The following JMJD1C variants were observed in gnomAD, a reference collection of about 807,000 sequenced individuals.
The protein encoded by JMJD1C is jumonji domain containing 1C.
In JMJD1C, 31 loss-of-function variants were observed where a neutral mutation model predicts 245.3. That is an observed-to-expected ratio of 0.13 (90% CI 0.09 to 0.17). The LOEUF (loss-of-function observed/expected upper bound fraction) is 0.17. Ranked by LOEUF, JMJD1C falls within the 10% of genes least tolerant of loss-of-function variation. JMJD1C has a pLI of 1.00. For synonymous variants in JMJD1C, 1,057 were observed against 1,017.4 expected (o/e 1.04, Z -0.74); for missense variants, 2,691 against 3,000.2 (o/e 0.90, Z 2.41).
chr10:63,208,278 C>G lies in JMJD1C; in HGVS notation c.3391G>C (p.Ala1131Pro). 6.2e-7 allele frequency: 1 copy of G among 1,614,010 alleles called. No homozygotes were observed. The highest frequency in any genetic ancestry group is 8.5e-7 in the Non-Finnish European group (1 of 1,179,968). The change falls in exon 10 of 26, where the codon GCT becomes CCT. Residue 1131 changes from alanine to proline, a missense_variant. Physicochemically the swap from Ala to Pro is conservative, Grantham distance 27. This residue lies in a region of JMJD1C where 1,562 missense variants were observed against 1,490.7 expected (regional missense o/e 1.05). Coordinates refer to ENST00000399262, the MANE Select transcript of JMJD1C (RefSeq NM_032776.3). ...KQSNALAAAA[A>P]NPQTLTSFIT... is the part of the protein sequence containing the mutation. ...AATGAAGTCAGAGTTTGAGGATTAG[C>G]TGCTGCCGCTGCAAGGGCATTACTC...
intron 2 of JMJD1C, among the ~76,000 whole-genome samples, chr10:63,324,716 G>A (rs556706328): frequency 3.9e-5 from 6 of 152,292 alleles, no homozygotes; most frequent in South Asian, 2.1e-4. Flanking sequence ...ACAAGTAAAC[G>A]TGTATGTCAG....
chr10:63,444,668 C>G (rs1324254187), intron 1 of JMJD1C, among the ~76,000 whole-genome samples: 1 of 146,310 alleles, frequency 6.8e-6, no homozygotes, highest in Non-Finnish European at 1.5e-5. Context: ...TCTTGCTGCC[C>G]GGGCTGGAGT....
chr10:63,284,115 T>C (rs894101590), intron 2 of JMJD1C, among the ~76,000 whole-genome samples: 3 of 152,034 alleles, frequency 2.0e-5, no homozygotes, highest in African/African-American at 7.2e-5. Flanking sequence ...AACCTCTGCC[T>C]CCTAGGTTCA....
chr10:63,358,268 C>G (rs1046846709), intron 2 of JMJD1C, among the ~76,000 whole-genome samples: 1 of 151,894 alleles, frequency 6.6e-6, no homozygotes, highest in Non-Finnish European at 1.5e-5. Context: ...ATAGGCAAAA[C>G]CAGAAAAGTT....
intron 1 of JMJD1C, among the ~76,000 whole-genome samples, chr10:63,496,737 T>C (rs1273623259): frequency 1.3e-5 from 2 of 152,244 alleles, no homozygotes; most frequent in African/African-American, 2.4e-5. Flanking sequence ...TGCCTACCTA[T>C]AGTCAGTTTA....
At chr10:63,433,586 C>CTTTTT (rs539696706) in intron 1 of JMJD1C, among the ~76,000 whole-genome samples, 57 of 86,784 alleles carry the variant, frequency 6.6e-4, no homozygotes, top group Non-Finnish European at 9.0e-4. Context: ...CTTTTCTTTT[C>CTTTTT]TTTTTTTTTT....
chr10:63,483,709 GAT>G (rs1467049030), intron 1 of JMJD1C, among the ~76,000 whole-genome samples: 1 of 152,154 alleles, frequency 6.6e-6, no homozygotes, highest in East Asian at 1.9e-4. Flanking sequence ...ACTTGCAAAT[GAT>G]ATTGCTGCTG....
chr10:63,190,306 G>A (rs1055751692), intron 17 of JMJD1C, among the ~76,000 whole-genome samples: 3 of 151,936 alleles, frequency 2.0e-5, no homozygotes, highest in Non-Finnish European at 4.4e-5. Flanking sequence ...CTGGGTTTAA[G>A]CAATTCTCTG....
At chr10:63,227,078 A>C (rs1849381406) in intron 3 of JMJD1C, among the ~76,000 whole-genome samples, 1 of 152,056 alleles carries the variant, frequency 6.6e-6, no homozygotes, top group African/African-American at 2.4e-5. Context: ...AAAAGGTTAA[A>C]ATCAGGCTGG....
Position 63,189,219 on chromosome 10 carries a change from A to G in JMJD1C, c.6519T>C (p.Tyr2173=). ...AAAGCTTCCAATTACTGCTATTCTT[A>G]TAATCCTTAAGCCATAAAATATGCT... ...CEKHILWLKD[Y]KNSSNWKLFK... The change falls in exon 18 of 26, where the codon TAT becomes TAC. Residue 2173 remains tyrosine (Y), a synonymous_variant. Coordinates refer to ENST00000399262, the MANE Select transcript of JMJD1C (RefSeq NM_032776.3). 3 of 1,612,844 alleles carry G rather than the reference A, an allele frequency of 1.9e-6. No homozygotes were observed. The highest frequency in any genetic ancestry group is 1.1e-5 in the South Asian group (1 of 90,934).
chr10:63,494,471 T>C (rs182101113), intron 1 of JMJD1C, among the ~76,000 whole-genome samples: 4 of 152,284 alleles, frequency 2.6e-5, no homozygotes. Context: ...TAAATTAACT[T>C]CTTTTTATAT....
intron 3 of JMJD1C, among the ~76,000 whole-genome samples, chr10:63,257,869 T>C (rs1318630854): frequency 6.6e-6 from 1 of 152,252 alleles, no homozygotes; most frequent in East Asian, 1.9e-4. Flanking sequence ...AAACGTGTTC[T>C]ATTATACACT....
At chr10:63,172,409 T>C (rs2132758307) in intron 24 of JMJD1C, among the ~76,000 whole-genome samples, 1 of 152,126 alleles carries the variant, frequency 6.6e-6, no homozygotes, top group East Asian at 1.9e-4. Flanking sequence ...CATAAATTTG[T>C]TTTCCTCTAC....
intron 3 of JMJD1C, among the ~76,000 whole-genome samples, chr10:63,221,320 C>G (rs1207906876): frequency 1.3e-5 from 2 of 152,142 alleles, no homozygotes; most frequent in Non-Finnish European, 2.9e-5. Context: ...GTTTCCTTCT[C>G]ATACTGCTTT....
At chr10:63,356,058 T>C (rs754090716) in intron 2 of JMJD1C, among the ~76,000 whole-genome samples, 2 of 152,222 alleles carry the variant, frequency 1.3e-5, no homozygotes, top group Non-Finnish European at 2.9e-5. Context: ...AGACCAATTA[T>C]ATTACATGAA....
Position 63,214,780 on chromosome 10 carries a change from G to A in JMJD1C, c.1387C>T (p.His463Tyr), listed in dbSNP as rs61757562. The A allele has an allele frequency of 1.1e-4, 172 of 1,613,366 alleles. 1 individual carries two copies. Among genetic ancestry groups the A allele is most frequent in the Non-Finnish European group, 8.9e-5 (105 of 1,179,600 alleles). Residue 463 changes from histidine to tyrosine, a missense_variant, in exon 8 of 26, where the codon CAT becomes TAT. His to Tyr is a moderately conservative substitution (Grantham distance 83). Transcript: ENST00000399262. ...GAAACTGTGGACTGTTCTGACGAAT[G>A]AATAATCATATCTTCTTGAAGCTGA... ...DTQLQEDMII[H>Y]SSEQSTVSDH...
chr10:63,412,568 C>CTATGGCTAAAAT (rs1564893201), intron 1 of JMJD1C, among the ~76,000 whole-genome samples: 10 of 151,908 alleles, frequency 6.6e-5, no homozygotes, highest in Non-Finnish European at 1.2e-4. Flanking sequence ...TGGCTAAAAA[C>CTATGGCTAAAAT]CTATCACAGC....
intron 1 of JMJD1C, among the ~76,000 whole-genome samples, chr10:63,422,160 C>G (rs1279640114): frequency 6.6e-6 from 1 of 152,070 alleles, no homozygotes; most frequent in East Asian, 1.9e-4. Flanking sequence ...ACTTGTAAAC[C>G]CAGCACTTTG....
intron 1 of JMJD1C, among the ~76,000 whole-genome samples, chr10:63,392,875 C>CACACACAA: frequency 7.7e-6 from 1 of 130,702 alleles, no homozygotes; most frequent in South Asian, 2.4e-4. Context: ...TAAACACACA[C>CACACACAA]ACACACACAC....
Sources: allele counts gnomAD v4.1 joint callset (sites outside exome capture counted in the v4.1 genomes callset), GRCh38; gene constraint gnomAD v4.1.1; regional missense constraint gnomAD v4.1.1; transcripts MANE v1.5; gene names NCBI Gene and HGNC (gene_info 2026-07-23, HGNC 2026-07-21).